Variants in RBFOX3 observed in about 807,000 individuals in gnomAD.
RBFOX3 encodes the protein RNA binding protein fox-1 homolog 3.
Under a neutral mutation model 48.7 loss-of-function variants are expected in RBFOX3, and 17 were observed. The observed-to-expected ratio is 0.35, with a 90% CI of 0.24 to 0.52. The LOEUF is 0.52. Ranked by LOEUF, RBFOX3 falls within the 20% of genes least tolerant of loss-of-function variation. The pLI is 0.94. For synonymous variants in RBFOX3, 212 were observed against 209.5 expected (o/e 1.01, Z -0.10); for missense variants, 382 against 497.5 (o/e 0.77, Z 2.21).
intron 4 of RBFOX3, among the ~76,000 whole-genome samples, chr17:79,126,300 G>A (rs1438397663): frequency 6.6e-6 from 1 of 152,232 alleles, no homozygotes; most frequent in Non-Finnish European, 1.5e-5. Flanking sequence ...CAGAGTCTGG[G>A]GTGGGGGCCA....
chr17:79,618,829 C>T, the RBFOX3 span, among the ~76,000 whole-genome samples: 1 of 152,122 alleles, frequency 6.6e-6, no homozygotes, highest in Non-Finnish European at 1.5e-5. Context: ...TCTCCCTCAG[C>T]AAGAGGCAAA....
At chr17:79,358,598 T>G (rs1221453982) in intron 2 of RBFOX3, among the ~76,000 whole-genome samples, 1 of 152,150 alleles carries the variant, frequency 6.6e-6, no homozygotes, top group Non-Finnish European at 1.5e-5. Context: ...GTAGCTGGGA[T>G]TACAGGTGTG....
intron 2 of RBFOX3, among the ~76,000 whole-genome samples, chr17:79,452,774 G>A (rs951176612): frequency 6.6e-6 from 1 of 152,218 alleles, no homozygotes; most frequent in Non-Finnish European, 1.5e-5. Flanking sequence ...TGGAGAAGCA[G>A]GCCCGGCAGG....
chr17:79,125,207 G>A (rs977703469), intron 4 of RBFOX3, among the ~76,000 whole-genome samples: 21 of 152,336 alleles, frequency 1.4e-4, no homozygotes, highest in African/African-American at 5.1e-4. Context: ...GGGGCCCTGA[G>A]CAGGTTGGGG....
intron 4 of RBFOX3, among the ~76,000 whole-genome samples, chr17:79,186,846 T>A (rs2053514723): frequency 6.6e-6 from 1 of 152,196 alleles, no homozygotes; most frequent in Non-Finnish European, 1.5e-5. Flanking sequence ...GCTTTGGAGA[T>A]CTCCTGGCTC....
At chr17:79,386,839 G>A (rs1401938455) in intron 2 of RBFOX3, among the ~76,000 whole-genome samples, 7 of 152,220 alleles carry the variant, frequency 4.6e-5, no homozygotes, top group Non-Finnish European at 7.3e-5. Context: ...GTGGCAGAAG[G>A]CCATCCCTAG....
rs767040908 is a variant in RBFOX3, at chr17:79,254,034, C to A, written c.-73-18229G>T. 1.3e-5 allele frequency among the ~76,000 whole-genome samples: 2 copies of A among 152,168 alleles called. No individual in the cohort carries two copies. Among genetic ancestry groups the A allele is most frequent in the East Asian group, 3.9e-4 (2 of 5,188 alleles). On this transcript the variant is annotated intron_variant, in intron 3 of 14. Transcript: ENST00000693108. This position sits in a 1 kb window ranked among gnomAD's most constrained non-coding sequence, Gnocchi z 4.8. ...CTCTGAGGGCGGGTATGGGAGGGAG[C>A]CTTCTCCCCAGCTGGTGGCAGGACT... is the stretch of plus-strand genomic sequence containing the variant.
In RBFOX3 at chr17:79,168,842, C is replaced by T. The variant is rs192434908; in HGVS notation, c.-33-53094G>A. Among the ~76,000 whole-genome samples, 5 of 145,440 alleles carry T rather than the reference C, an allele frequency of 3.4e-5. No individual in the cohort carries two copies. In the East Asian group the frequency reaches 5.9e-4, roughly 17 times the overall value. On this transcript the variant is annotated intron_variant, in intron 4 of 14. Coordinates refer to ENST00000693108, the MANE Select transcript of RBFOX3 (RefSeq NM_001350451.2). ...TCCCGCTGGGCTTACATGCCGGGTG[C>T]GCCCTCGCCTGGCCCTGGGTCATGA...
intron 4 of RBFOX3, among the ~76,000 whole-genome samples, chr17:79,128,974 C>T (rs954101355): frequency 2.0e-5 from 3 of 152,190 alleles, no homozygotes; most frequent in Non-Finnish European, 4.4e-5. Context: ...GCTTTGCCAC[C>T]TGAGCCCACC....
At chr17:79,495,940 C>A (rs915144496) in intron 1 of RBFOX3, among the ~76,000 whole-genome samples, 6 of 151,898 alleles carry the variant, frequency 4.0e-5, no homozygotes, top group Non-Finnish European at 8.8e-5. Context: ...GCAGTGGCAG[C>A]GTGGCAGATG....
chr17:79,566,663 G>A (rs1276278635), intron 1 of RBFOX3, among the ~76,000 whole-genome samples: 1 of 152,250 alleles, frequency 6.6e-6, no homozygotes, highest in East Asian at 1.9e-4. Flanking sequence ...CAGCCAAGAT[G>A]CTGACCTGCC....
intron 2 of RBFOX3, among the ~76,000 whole-genome samples, chr17:79,388,931 C>T (rs751504132): frequency 1.3e-5 from 2 of 152,252 alleles, no homozygotes; most frequent in African/African-American, 2.4e-5. Flanking sequence ...CTCCCAGCCG[C>T]CAAGCCCTCC....
chr17:79,380,683 C>G lies in RBFOX3; in HGVS notation c.-174-72859G>C, dbSNP rs568214669. 5.8e-4 allele frequency among the ~76,000 whole-genome samples: 88 copies of G among 152,304 alleles called. 1 individual carries two copies. Among genetic ancestry groups the G allele is most frequent in the African/African-American group, 2.0e-3 (83 of 41,590 alleles). On this transcript the variant is annotated intron_variant, in intron 2 of 14. Coordinates refer to ENST00000693108, the MANE Select transcript of RBFOX3 (RefSeq NM_001350451.2). ...CACCAGCTTTGCACTGAGAACCAAGCTGAGCATTTTGGATGCATTTGGTGA... is the reference window on the plus strand; with the variant it reads ...CACCAGCTTTGCACTGAGAACCAAGGTGAGCATTTTGGATGCATTTGGTGA...
chr17:79,647,756 C>G, the RBFOX3 span, among the ~76,000 whole-genome samples: 1 of 152,172 alleles, frequency 6.6e-6, no homozygotes, highest in Non-Finnish European at 1.5e-5. Context: ...TCCACCTGAC[C>G]CCTGCCTCCT....
intron 2 of RBFOX3, among the ~76,000 whole-genome samples, chr17:79,455,120 C>T (rs561996209): frequency 6.6e-6 from 1 of 151,924 alleles, no homozygotes; most frequent in South Asian, 2.1e-4. Flanking sequence ...TGCACAGGCC[C>T]GGCAGCATCC....
chr17:79,659,113 G>A, the RBFOX3 span, among the ~76,000 whole-genome samples: 1 of 152,086 alleles, frequency 6.6e-6, no homozygotes, highest in Admixed American at 6.5e-5. Context: ...CTTGGTCACC[G>A]CACAGGAACA....
intron 4 of RBFOX3, among the ~76,000 whole-genome samples, chr17:79,191,546 G>T (rs531146354): frequency 2.6e-5 from 4 of 152,292 alleles, no homozygotes; most frequent in African/African-American, 9.6e-5. Flanking sequence ...TACTGTCCTG[G>T]CAGAGTGCGT....
At chr17:79,546,201 T>G (rs2090410479) in intron 1 of RBFOX3, among the ~76,000 whole-genome samples, 1 of 152,116 alleles carries the variant, frequency 6.6e-6, no homozygotes, top group African/African-American at 2.4e-5. Context: ...ACGACAACCA[T>G]GTAGACCCAT....
rs751713675 is a variant in RBFOX3 at position 79,364,866 on chromosome 17, T to C, written c.-174-57042A>G. Among the ~76,000 whole-genome samples, 1 of 152,132 alleles carries C rather than the reference T, an allele frequency of 6.6e-6. No homozygotes were observed. Among genetic ancestry groups the C allele is most frequent in the Non-Finnish European group, 1.5e-5 (1 of 68,006 alleles). ...CCTCAGCTGGAGAGGCTACCTTGTG[T>C]GGCCAGAACCACTCAGTCAATGTGA... On this transcript the variant is annotated intron_variant, in intron 2 of 14. Coordinates refer to ENST00000693108, the MANE Select transcript of RBFOX3 (RefSeq NM_001350451.2). The surrounding 1 kb of genome is among the most constrained non-coding windows in gnomAD (Gnocchi z 5.1).
Sources: allele counts gnomAD v4.1 joint callset (sites outside exome capture counted in the v4.1 genomes callset), GRCh38; gene constraint gnomAD v4.1.1; non-coding constraint Gnocchi (gnomAD v3.1); transcripts MANE v1.5; gene names NCBI Gene and HGNC (gene_info 2026-07-23, HGNC 2026-07-21).